DTD1: variants seen among roughly 807,000 people sequenced by gnomAD.
DTD1 encodes the protein D-aminoacyl-tRNA deacylase 1.
Under a neutral mutation model 25.6 loss-of-function variants are expected in DTD1, and 13 were observed. That is an observed-to-expected ratio of 0.51 (90% CI 0.33 to 0.81). The LOEUF (loss-of-function observed/expected upper bound fraction) is 0.81. Among genes scored for constraint, DTD1 ranks in the 30% least tolerant of loss-of-function variants. The pLI is 0.02. For missense variants in DTD1, 193 were observed against 266.4 expected (o/e 0.72, Z 1.92); for synonymous variants, 110 against 103.6 (o/e 1.06, Z -0.37).
chr20:18,690,136 TAAA>T (rs74180929), intron 4 of DTD1, among the ~76,000 whole-genome samples: 1 of 129,858 alleles, frequency 7.7e-6, no homozygotes. Flanking sequence ...ACCCTGTCTC[TAAA>T]AAAAAAAAAA....
At chr20:18,620,366 C>A (rs1384058037) in intron 3 of DTD1, among the ~76,000 whole-genome samples, 1 of 152,142 alleles carries the variant, frequency 6.6e-6, no homozygotes, top group Non-Finnish European at 1.5e-5. Context: ...TGGGTCTAAC[C>A]CTGATCTCTT....
chr20:18,623,522 C>G (rs2060744527), intron 3 of DTD1, among the ~76,000 whole-genome samples: 1 of 152,044 alleles, frequency 6.6e-6, no homozygotes, highest in African/African-American at 2.4e-5. Flanking sequence ...CTAATAAATG[C>G]ACTTATGGGA....
At chr20:18,681,587 G>A (rs926180061) in intron 4 of DTD1, among the ~76,000 whole-genome samples, 1 of 152,184 alleles carries the variant, frequency 6.6e-6, no homozygotes, top group African/African-American at 2.4e-5. Context: ...TTGTCAGAAA[G>A]CATGTAAGCA....
intron 3 of DTD1, among the ~76,000 whole-genome samples, chr20:18,607,350 G>A (rs1600314071): frequency 1.3e-5 from 2 of 151,996 alleles, no homozygotes; most frequent in Non-Finnish European, 1.5e-5. Flanking sequence ...TAATAGAGAC[G>A]GGGTTTCACC....
intron 5 of DTD1, among the ~76,000 whole-genome samples, chr20:18,755,841 G>A (rs1188387385): frequency 1.3e-5 from 2 of 151,970 alleles, no homozygotes; most frequent in African/African-American, 2.4e-5. Context: ...CTGAGGAATC[G>A]CCACACTGAC....
At chr20:18,600,725 G>A (rs2060630377) in intron 3 of DTD1, among the ~76,000 whole-genome samples, 1 of 152,144 alleles carries the variant, frequency 6.6e-6, no homozygotes, top group South Asian at 2.1e-4. Context: ...GAATCTCCCT[G>A]TCTATGAACA....
intron 4 of DTD1, chr20:18,675,293 G>T (rs1158480519): frequency 1.3e-5 from 2 of 152,274 alleles, no homozygotes; most frequent in Non-Finnish European, 2.9e-5. Context: ...CATCCTGTTG[G>T]TTATGTAGGT....
intron 4 of DTD1, among the ~76,000 whole-genome samples, chr20:18,712,874 TC>T: frequency 6.6e-6 from 1 of 152,228 alleles, no homozygotes; most frequent in Non-Finnish European, 1.5e-5. Context: ...GTGTACAGAC[TC>T]CCCTCCTTAC....
chr20:18,685,004 T>C (rs2061011174), intron 4 of DTD1, among the ~76,000 whole-genome samples: 1 of 151,984 alleles, frequency 6.6e-6, no homozygotes, highest in South Asian at 2.1e-4. Context: ...GCTGAAGCAG[T>C]CCTCCCACCT....
At chr20:18,691,582 T>A (rs1227675353) in intron 4 of DTD1, among the ~76,000 whole-genome samples, 1 of 151,938 alleles carries the variant, frequency 6.6e-6, no homozygotes, top group Non-Finnish European at 1.5e-5. Context: ...GAAGTAAAGA[T>A]GGGAACAGCA....
At chr20:18,641,017 C>G (rs1288966581) in intron 4 of DTD1, among the ~76,000 whole-genome samples, 1 of 152,212 alleles carries the variant, frequency 6.6e-6, no homozygotes, top group Non-Finnish European at 1.5e-5. Context: ...CAGCCACTGG[C>G]AACGGCCCTT....
chr20:18,734,805 C>T (rs553170547), intron 4 of DTD1, among the ~76,000 whole-genome samples: 2 of 152,176 alleles, frequency 1.3e-5, no homozygotes. Flanking sequence ...GATGGACACT[C>T]AGAAAGGACA....
intron 4 of DTD1, among the ~76,000 whole-genome samples, chr20:18,628,900 C>T (rs2060770623): frequency 6.6e-6 from 1 of 152,084 alleles, no homozygotes; most frequent in African/African-American, 2.4e-5. Flanking sequence ...GTCTCCCTCC[C>T]TTGCTAGCAT....
chr20:18,627,323 C>T (rs1042531939), intron 3 of DTD1, among the ~76,000 whole-genome samples: 11 of 152,154 alleles, frequency 7.2e-5, no homozygotes, highest in South Asian at 4.1e-4. Context: ...ACCCAGGTTG[C>T]GGAAGGACCT....
chr20:18,731,246 A>G (rs2061238433), intron 4 of DTD1, among the ~76,000 whole-genome samples: 1 of 152,194 alleles, frequency 6.6e-6, no homozygotes, highest in Admixed American at 6.5e-5. Context: ...CCTACAGATG[A>G]CTGGATTTCC....
chr20:18,754,084 C>T (rs901987595), intron 5 of DTD1, among the ~76,000 whole-genome samples: 3 of 152,102 alleles, frequency 2.0e-5, no homozygotes, highest in African/African-American at 7.2e-5. Context: ...GTCCTTTTAA[C>T]AGTGATGTGG....
At chr20:18,744,363 T>C in intron 5 of DTD1, 92 bp downstream of exon 5, 1 of 1,320,100 alleles carries the variant, frequency 7.6e-7, no homozygotes, top group Non-Finnish European at 1.0e-6. Context: ...AATTCATTCA[T>C]TTCACAGCGT....
At chr20:18,620,793 G>A (rs1316182429) in intron 3 of DTD1, among the ~76,000 whole-genome samples, 1 of 151,924 alleles carries the variant, frequency 6.6e-6, no homozygotes, top group Non-Finnish European at 1.5e-5. Flanking sequence ...GAATATTGCT[G>A]TGTTGCCCAG....
At chr20:18,601,498 CA>C (rs1175102426) in intron 3 of DTD1, among the ~76,000 whole-genome samples, 5,927 of 110,054 alleles carry the variant, frequency 0.054, 65 homozygotes, top group African/African-American at 0.078. Flanking sequence ...GACTCTGTCT[CA>C]AAAAAAAAAA....
Sources: allele counts gnomAD v4.1 joint callset (sites outside exome capture counted in the v4.1 genomes callset), GRCh38; gene constraint gnomAD v4.1.1; transcripts MANE v1.5; gene names NCBI Gene and HGNC (gene_info 2026-07-23, HGNC 2026-07-21).